Variants in COL15A1 observed in about 807,000 individuals in gnomAD.
COL15A1 encodes the protein collagen alpha-1(XV) chain.
In COL15A1, 111 loss-of-function variants were observed where a neutral mutation model predicts 165.9. That is an observed-to-expected ratio of 0.67 (90% CI 0.57 to 0.78). The LOEUF is 0.78. Among genes scored for constraint, COL15A1 ranks in the 30% least tolerant of loss-of-function variants. The probability of loss-of-function intolerance (pLI) is 0.00; values close to 1 mark genes in which losing one functional copy is unlikely to be tolerated. For missense variants in COL15A1, 1,745 were observed against 1,789.7 expected, an observed-to-expected ratio of 0.98 and a Z score of 0.45; for synonymous variants, 659 against 674.8, an observed-to-expected ratio of 0.98 and a Z score of 0.36.
chr9:98,993,960 T>G (rs1564036512), intron 5 of COL15A1, among the ~76,000 whole-genome samples: 1 of 152,192 alleles, frequency 6.6e-6, no homozygotes, highest in Non-Finnish European at 1.5e-5. Flanking sequence ...GACTACAAAG[T>G]CTGCCCCTCC....
intron 7 of COL15A1, among the ~76,000 whole-genome samples, chr9:99,002,768 A>G (rs62561243): frequency 0.1 from 15,793 of 152,254 alleles, 906 homozygotes; most frequent in South Asian, 0.14. Flanking sequence ...TGCACTCTAC[A>G]TTCCTCTTTT....
intron 16 of COL15A1, 130 bp downstream of exon 16, chr9:99,026,096 C>T: frequency 1.2e-6 from 1 of 804,570 alleles, no homozygotes. Context: ...CTGCTGGCCA[C>T]TTCTGCTGGA....
At chr9:99,044,674 C>A in intron 25 of COL15A1, 38 bp downstream of exon 25, 1 of 1,611,798 alleles carries the variant, frequency 6.2e-7, no homozygotes, top group Non-Finnish European at 8.5e-7. Flanking sequence ...ACATATCTGC[C>A]CCAGCTTTGC....
intron 1 of COL15A1, 33 bp downstream of exon 1, chr9:98,944,105 G>T (rs770165221): frequency 3.7e-6 from 6 of 1,613,922 alleles, no homozygotes; most frequent in Non-Finnish European, 5.1e-6. Context: ...CTCGCGTCCC[G>T]GGCCCCTCCA....
intron 2 of COL15A1, among the ~76,000 whole-genome samples, chr9:98,984,225 C>G (rs894256260): frequency 2.0e-5 from 3 of 152,220 alleles, no homozygotes; most frequent in Non-Finnish European, 4.4e-5. Context: ...GTGGTCTTGT[C>G]CCCCTCTCCC....
In COL15A1 at chr9:99,000,881, C is replaced by T; in HGVS notation, c.995C>T (p.Ser332Phe). 3 of 1,605,638 alleles carry T rather than the reference C, an allele frequency of 1.9e-6. No individual in the cohort carries two copies. The highest frequency in any genetic ancestry group is 2.6e-6 in the Non-Finnish European group (3 of 1,172,724). ...ILNDTLEGVH[S>F]VDGDPITDSG... Reference sequence around the variant, plus strand: ...AATGACACACTGGAGGGGGTTCATTCTGTGGATGGTGACCCCATTACTGAC... The same window carrying T: ...AATGACACACTGGAGGGGGTTCATTTTGTGGATGGTGACCCCATTACTGAC... Residue 332 changes from serine to phenylalanine, a missense_variant, in exon 7 of 42, where the codon TCT (serine) becomes TTT (phenylalanine). Transcript: ENST00000375001.
intron 24 of COL15A1, among the ~76,000 whole-genome samples, chr9:99,042,865 T>A (rs1476859816): frequency 6.6e-6 from 1 of 151,896 alleles, no homozygotes; most frequent in Admixed American, 6.6e-5. Context: ...AGGGGGAGAG[T>A]GACGTCCATA....
At chr9:98,996,459 G>A (rs1466859089) in intron 5 of COL15A1, among the ~76,000 whole-genome samples, 6 of 152,226 alleles carry the variant, frequency 3.9e-5, no homozygotes, top group Admixed American at 3.9e-4. Context: ...CTTTGGAAAA[G>A]CTATATAGAT....
At chr9:98,978,876 C>G (rs542302848) in intron 2 of COL15A1, among the ~76,000 whole-genome samples, 6 of 152,210 alleles carry the variant, frequency 3.9e-5, no homozygotes, top group Non-Finnish European at 7.4e-5. Context: ...ACAACCACTG[C>G]CCCGTTTCTT....
intron 12 of COL15A1, among the ~76,000 whole-genome samples, chr9:99,021,853 T>C (rs1313448471): frequency 6.6e-6 from 1 of 152,194 alleles, no homozygotes; most frequent in African/African-American, 2.4e-5. Context: ...TGATGCGTGC[T>C]CATACTGGTC....
intron 23 of COL15A1, chr9:99,041,313 C>G (rs16918146): frequency 0.12 from 17,926 of 152,274 alleles, 1,212 homozygotes; most frequent in South Asian, 0.22. Flanking sequence ...GGGTAATTCA[C>G]TCTTTCATCC....
Position 99,000,891 on chromosome 9 carries a change from T to C in COL15A1, c.1005T>C (p.Gly335=). The part of the protein sequence containing the change: ...DTLEGVHSVD[G]DPITDSGSGA... ...TGGAGGGGGTTCATTCTGTGGATGGTGACCCCATTACTGACAGCGGCTCAG... is the reference window on the plus strand; with the variant it reads ...TGGAGGGGGTTCATTCTGTGGATGGCGACCCCATTACTGACAGCGGCTCAG... The change falls in exon 7 of 42, where the codon GGT becomes GGC. Residue 335 remains glycine, a synonymous_variant. Transcript: ENST00000375001. The C allele has an allele frequency of 6.2e-7, 1 of 1,607,542 alleles. No homozygotes were observed. Among genetic ancestry groups the C allele is most frequent in the Non-Finnish European group, 8.5e-7 (1 of 1,174,354 alleles).
intron 22 of COL15A1, 130 bp downstream of exon 22, chr9:99,038,863 G>T (rs757981790): frequency 1.2e-4 from 73 of 604,542 alleles, no homozygotes; most frequent in Non-Finnish European, 1.9e-4. Flanking sequence ...AGAATGGAAA[G>T]AAAGCTTTGC....
At chr9:99,051,886 G>A (rs1588534720) in intron 30 of COL15A1, among the ~76,000 whole-genome samples, 1 of 152,172 alleles carries the variant, frequency 6.6e-6, no homozygotes, top group Non-Finnish European at 1.5e-5. Context: ...GTCCAGAATA[G>A]CACCCCCAAT....
rs1219714291 is a variant in COL15A1 at position 99,070,416 on chromosome 9, A to G, written c.*530A>G. 3 of 289,956 alleles carry G rather than the reference A, an allele frequency of 1.0e-5. No individual in the cohort carries two copies. The highest frequency in any genetic ancestry group is 8.7e-5 in the South Asian group (3 of 34,650). 18.0% of individuals were successfully genotyped at this position (289,956 alleles called of 1,614,324 possible). A position where few individuals can be genotyped will look rare whatever the true frequency, so the allele number is the denominator to read the frequency against. On this transcript the variant is annotated 3_prime_UTR_variant, in exon 42 of 42. Coordinates refer to ENST00000375001, the MANE Select transcript of COL15A1 (RefSeq NM_001855.5). ...TATTTGTATTTTCTGATGCTATCAG[A>G]CTCTAATGTTTTTTTCCCTAAAATA...
Position 99,003,537 on chromosome 9 carries a change from G to A in COL15A1, c.1150G>A (p.Gly384Arg), listed in dbSNP as rs1838701018. ...EAEASSVPTGGPTLSMSTENP... is the reference protein window; with the variant it reads ...EAEASSVPTGRPTLSMSTENP... ...AGAGGCCAGCAGTGTGCCCACCGGG[G>A]GACCAACCCTCTCTATGTCCACGGA... is the stretch of plus-strand genomic sequence containing the variant. The change falls in exon 8 of 42, where the codon GGA (glycine) becomes AGA (arginine). Residue 384 changes from glycine to arginine, a missense_variant. By Grantham distance (125) the Gly-to-Arg change is moderately radical. Coordinates refer to ENST00000375001, the MANE Select transcript of COL15A1 (RefSeq NM_001855.5). 1.3e-6 allele frequency: 2 copies of A among 1,567,320 alleles called. No homozygotes were observed. Among genetic ancestry groups the A allele is most frequent in the African/African-American group, 1.4e-5 (1 of 72,822 alleles).
intron 3 of COL15A1, among the ~76,000 whole-genome samples, chr9:98,986,957 A>T (rs1333513306): frequency 6.6e-6 from 1 of 152,130 alleles, no homozygotes; most frequent in African/African-American, 2.4e-5. Flanking sequence ...CAGGGGAAAG[A>T]GCTTTCTGGG....
At chr9:99,019,925 T>C (rs1353566251) in intron 11 of COL15A1, among the ~76,000 whole-genome samples, 2 of 152,186 alleles carry the variant, frequency 1.3e-5, no homozygotes, top group Non-Finnish European at 2.9e-5. Flanking sequence ...GCTTTGGTTT[T>C]CTGCACTGTT....
At chr9:99,043,529 G>T (rs926539588) in intron 24 of COL15A1, among the ~76,000 whole-genome samples, 1 of 152,126 alleles carries the variant, frequency 6.6e-6, no homozygotes. Context: ...TGCAGTGAAC[G>T]TGCTTTCTCT....
Sources: allele counts gnomAD v4.1 joint callset (sites outside exome capture counted in the v4.1 genomes callset), GRCh38; gene constraint gnomAD v4.1.1; transcripts MANE v1.5; gene names NCBI Gene and HGNC (gene_info 2026-07-23, HGNC 2026-07-21).